Variants in GLIS1 observed in about 807,000 individuals in gnomAD.
The protein encoded by GLIS1 is zinc finger protein GLIS1.
GLIS1 carries 24 observed loss-of-function variants against 63.8 expected under a neutral mutation model. The ratio of observed to expected loss-of-function variants is 0.38; its 90% CI spans 0.27 to 0.53. GLIS1 has a LOEUF of 0.53. GLIS1 is among the 20% of genes least tolerant of loss of function. The pLI is 0.85. For synonymous variants in GLIS1, 450 were observed against 482.5 expected (o/e 0.93, Z 0.88); for missense variants, 1,036 against 1,074.1 (o/e 0.96, Z 0.50).
chr1:53,533,320 A>G (rs1644549721), intron 4 of GLIS1, among the ~76,000 whole-genome samples: 1 of 152,162 alleles, frequency 6.6e-6, no homozygotes, highest in Non-Finnish European at 1.5e-5. Flanking sequence ...TGGCATCTCA[A>G]TCATGGGGCA....
chr1:53,635,655 A>C (rs1457643445), intron 2 of GLIS1, among the ~76,000 whole-genome samples: 2 of 152,202 alleles, frequency 1.3e-5, no homozygotes, highest in African/African-American at 2.4e-5. Flanking sequence ...CATAAACAAG[A>C]CTAAAGCTGG....
intron 4 of GLIS1, among the ~76,000 whole-genome samples, chr1:53,544,170 G>T (rs1192353272): frequency 1.3e-5 from 2 of 152,232 alleles, no homozygotes; most frequent in East Asian, 1.9e-4. Context: ...AGGACAAAAA[G>T]AAAAGGATGC....
intron 2 of GLIS1, among the ~76,000 whole-genome samples, chr1:53,603,585 A>G (rs1645340388): frequency 6.6e-6 from 1 of 152,192 alleles, no homozygotes; most frequent in South Asian, 2.1e-4. Flanking sequence ...CCCTGTCCCC[A>G]GTGACTTCAC....
chr1:53,660,824 A>G (rs1208425639), intron 2 of GLIS1, among the ~76,000 whole-genome samples: 3 of 152,174 alleles, frequency 2.0e-5, no homozygotes, highest in Non-Finnish European at 4.4e-5. Flanking sequence ...AGGAGAGACT[A>G]CAAAGAGAGC....
intron 2 of GLIS1, among the ~76,000 whole-genome samples, chr1:53,678,332 G>C (rs1646237623): frequency 7.0e-6 from 1 of 142,002 alleles, no homozygotes; most frequent in South Asian, 2.5e-4. Context: ...AGGGTGAGGG[G>C]GGGGGGGTGG....
In GLIS1 at chr1:53,594,986, G is replaced by A. The variant is rs1290971087; in HGVS notation, c.442C>T (p.Pro148Ser). The change falls in exon 4 of 11, where the codon CCT becomes TCT. Residue 148 changes from proline to serine, a missense_variant. This residue lies in a region of GLIS1 where 592 missense variants were observed against 593.9 expected (regional missense o/e 1.00). Transcript: ENST00000628545. ...TTCACATACGTGGCCTGGGGTCTAG[G>A]TGACCTGGAAGACAGTGCCCAGAGA... ...LLHFPHPDRS[P>S]RPQATYVNGS... is the part of the protein sequence containing the mutation. 28 of 1,428,880 alleles carry A rather than the reference G, an allele frequency of 2.0e-5. No individual in the cohort carries two copies. Among genetic ancestry groups the A allele is most frequent in the Middle Eastern group, 2.6e-4 (1 of 3,870 alleles). The allele number at this position is 1,428,880 out of a possible 1,614,324, so 88.5% of individuals were successfully genotyped here.
chr1:53,585,876 C>A (rs894910479), intron 4 of GLIS1, among the ~76,000 whole-genome samples: 2 of 152,210 alleles, frequency 1.3e-5, no homozygotes, highest in African/African-American at 4.8e-5. Context: ...CCCTCCACCC[C>A]CTACAGAAAC....
chr1:53,644,624 C>T (rs1320206533), intron 2 of GLIS1, among the ~76,000 whole-genome samples: 1 of 152,032 alleles, frequency 6.6e-6, no homozygotes, highest in South Asian at 2.1e-4. Context: ...AAGGTGGGCA[C>T]CACAGAGTGG....
In GLIS1 at chr1:53,713,466, A is replaced by G. The variant is rs530919387; in HGVS notation, c.259+24340T>C. On this transcript the variant is annotated intron_variant, in intron 2 of 10. Transcript: ENST00000628545. ...AGCCTGGGCAACATGGTGAGACCCC[A>G]TCTTTTCAAGACCACCCTGGGCAAA... 3.6e-4 allele frequency among the ~76,000 whole-genome samples: 55 copies of G among 151,288 alleles called. 1 individual carries two copies. Among genetic ancestry groups the G allele is most frequent in the East Asian group, 3.3e-3 (17 of 5,100 alleles).
chr1:53,557,006 GGTGA>G (rs1171562857), intron 4 of GLIS1, among the ~76,000 whole-genome samples: 2 of 150,840 alleles, frequency 1.3e-5, no homozygotes, highest in Non-Finnish European at 3.0e-5. Context: ...GTGTACTACA[GGTGA>G]GTGTGTGTGT....
At chr1:53,700,501 G>T (rs967776139) in intron 2 of GLIS1, among the ~76,000 whole-genome samples, 2 of 151,620 alleles carry the variant, frequency 1.3e-5, no homozygotes, top group Non-Finnish European at 3.0e-5. Flanking sequence ...GCCTCTGCTC[G>T]TGTAAATGCA....
intron 4 of GLIS1, among the ~76,000 whole-genome samples, chr1:53,591,972 A>G (rs2100523781): frequency 6.6e-6 from 1 of 152,270 alleles, no homozygotes; most frequent in South Asian, 2.1e-4. Context: ...CCTCCCTGGG[A>G]CTATGCAAAC....
intron 4 of GLIS1, among the ~76,000 whole-genome samples, chr1:53,576,752 G>A (rs1362268660): frequency 6.6e-6 from 1 of 151,990 alleles, no homozygotes; most frequent in Non-Finnish European, 1.5e-5. Flanking sequence ...AAACACACAC[G>A]CCTGCATACA....
At chr1:53,664,212 C>A (rs1338076714) in intron 2 of GLIS1, among the ~76,000 whole-genome samples, 1 of 152,144 alleles carries the variant, frequency 6.6e-6, no homozygotes. Flanking sequence ...CCAAGTCACT[C>A]CCTCTACCAT....
intron 4 of GLIS1, among the ~76,000 whole-genome samples, chr1:53,535,286 G>A (rs771055235): frequency 3.9e-5 from 6 of 152,030 alleles, no homozygotes; most frequent in Non-Finnish European, 5.9e-5. Context: ...ACTCTGGTGC[G>A]ACTTCTGCTG....
At chr1:53,615,523 G>C (rs185224202) in intron 2 of GLIS1, among the ~76,000 whole-genome samples, 26 of 152,270 alleles carry the variant, frequency 1.7e-4, no homozygotes, top group Non-Finnish European at 1.5e-5. Flanking sequence ...GGCACTGAGA[G>C]TATTTAACAT....
intron 2 of GLIS1, among the ~76,000 whole-genome samples, chr1:53,629,081 A>G (rs1645625419): frequency 6.6e-6 from 1 of 152,136 alleles, no homozygotes; most frequent in Admixed American, 6.5e-5. Context: ...GTACACACAC[A>G]GGATGTATCC....
intron 2 of GLIS1, among the ~76,000 whole-genome samples, chr1:53,703,073 G>C (rs1570075583): frequency 6.6e-6 from 1 of 152,342 alleles, no homozygotes; most frequent in African/African-American, 2.4e-5. Flanking sequence ...TCAGCTCCTT[G>C]AGCCTCTGCT....
At chr1:53,675,145 G>A (rs973810194) in intron 2 of GLIS1, among the ~76,000 whole-genome samples, 3 of 152,172 alleles carry the variant, frequency 2.0e-5, no homozygotes, top group African/African-American at 4.8e-5. Context: ...CTGGGGTTAC[G>A]GGTGAGGGTC....
Sources: allele counts gnomAD v4.1 joint callset (sites outside exome capture counted in the v4.1 genomes callset), GRCh38; gene constraint gnomAD v4.1.1; regional missense constraint gnomAD v4.1.1; transcripts MANE v1.5; gene names NCBI Gene and HGNC (gene_info 2026-07-23, HGNC 2026-07-21).